Variants in COL5A2 observed in about 807,000 individuals in gnomAD.
The protein encoded by COL5A2 is collagen alpha-2(V) chain.
Under a neutral mutation model 208.2 loss-of-function variants are expected in COL5A2, and 23 were observed. The ratio of observed to expected loss-of-function variants is 0.11; its 90% CI spans 0.08 to 0.16. The LOEUF is 0.16. Among genes scored for constraint, COL5A2 ranks in the 10% least tolerant of loss-of-function variants. COL5A2 has a pLI of 1.00. For synonymous variants in COL5A2, 625 were observed against 628.5 expected (o/e 0.99, Z 0.08); for missense variants, 1,590 against 1,956.4 (o/e 0.81, Z 3.53).
intron 1 of COL5A2, among the ~76,000 whole-genome samples, chr2:189,143,698 A>C (rs983908181): frequency 2.2e-4 from 34 of 152,184 alleles, no homozygotes; most frequent in African/African-American, 8.0e-4. Flanking sequence ...AAACAAATAT[A>C]TACCTTGCTT....
chr2:189,172,548 G>C (rs1688591457), intron 1 of COL5A2, among the ~76,000 whole-genome samples: 2 of 152,112 alleles, frequency 1.3e-5, no homozygotes, highest in Admixed American at 6.5e-5. Flanking sequence ...CAATATTTCA[G>C]ATGAGGACAC....
chr2:189,065,238 A>G (rs1255689277), intron 23 of COL5A2, among the ~76,000 whole-genome samples, 181 bp from the exon 24 acceptor site: 1 of 152,252 alleles, frequency 6.6e-6, no homozygotes, highest in Non-Finnish European at 1.5e-5. Context: ...TGAAGAATAT[A>G]TAAGTACTGA....
At chr2:189,098,504 G>T (rs1686968514) in intron 5 of COL5A2, among the ~76,000 whole-genome samples, 1 of 152,170 alleles carries the variant, frequency 6.6e-6, no homozygotes, top group African/African-American at 2.4e-5. Flanking sequence ...CCAATAGCAA[G>T]ACTAACATAA....
chr2:189,218,473 A>C (rs1252482629), intron 1 of COL5A2, among the ~76,000 whole-genome samples: 1 of 152,194 alleles, frequency 6.6e-6, no homozygotes, highest in African/African-American at 2.4e-5. Flanking sequence ...ATTTTCCCCC[A>C]GAGCCTGCAG....
the COL5A2 span, among the ~76,000 whole-genome samples, chr2:189,403,992 A>T: frequency 1.3e-5 from 2 of 152,130 alleles, no homozygotes; most frequent in Admixed American, 6.5e-5. Flanking sequence ...CAGTCTCCCA[A>T]AGTGCTGGGA....
upstream of COL5A2, among the ~76,000 whole-genome samples, chr2:189,225,883 T>C (rs996095602): frequency 6.6e-6 from 1 of 152,154 alleles, no homozygotes; most frequent in Non-Finnish European, 1.5e-5. Context: ...ACAGAACCAA[T>C]ATGTGCTTTC....
intron 1 of COL5A2, among the ~76,000 whole-genome samples, chr2:189,203,922 G>A (rs1689110878): frequency 6.6e-6 from 1 of 151,526 alleles, no homozygotes; most frequent in Admixed American, 6.6e-5. Flanking sequence ...TTTTGAGACG[G>A]AGTCTCGCTC....
chr2:189,301,615 T>C, the COL5A2 span, among the ~76,000 whole-genome samples: 1 of 152,166 alleles, frequency 6.6e-6, no homozygotes, highest in African/African-American at 2.4e-5. Flanking sequence ...GGTAATAACA[T>C]GGTAAACAGC....
chr2:189,219,880 C>A (rs945670131), intron 1 of COL5A2, among the ~76,000 whole-genome samples: 3 of 152,010 alleles, frequency 2.0e-5, no homozygotes, highest in Non-Finnish European at 2.9e-5. Flanking sequence ...AGTGCCCCCC[C>A]CCCACTCTTA....
chr2:189,323,614 G>A, the COL5A2 span, among the ~76,000 whole-genome samples: 9 of 152,122 alleles, frequency 5.9e-5, no homozygotes, highest in Non-Finnish European at 1.2e-4. Context: ...CAACTTACTA[G>A]GGATGTGAAG....
At chr2:189,114,770 G>A (rs1013838873) in intron 1 of COL5A2, among the ~76,000 whole-genome samples, 1 of 151,888 alleles carries the variant, frequency 6.6e-6, no homozygotes, top group South Asian at 2.1e-4. Context: ...ATACCTAGGT[G>A]ATGGGCTGAT....
At chr2:189,435,426 A>G in the COL5A2 span, among the ~76,000 whole-genome samples, 1 of 152,204 alleles carries the variant, frequency 6.6e-6, no homozygotes, top group Middle Eastern at 3.2e-3. Flanking sequence ...CAATCTACCC[A>G]TCTGACAAAG....
chr2:189,143,108 C>T (rs1007479723), intron 1 of COL5A2, among the ~76,000 whole-genome samples: 5 of 152,090 alleles, frequency 3.3e-5, no homozygotes, highest in African/African-American at 4.8e-5. Flanking sequence ...GCCACCAAGC[C>T]GCCTTGACTT....
chr2:189,167,835 G>A (rs1181305039), intron 1 of COL5A2, among the ~76,000 whole-genome samples: 2 of 151,652 alleles, frequency 1.3e-5, no homozygotes, highest in African/African-American at 4.8e-5. Flanking sequence ...CACCTAGAAG[G>A]GCATAACACT....
At chr2:189,038,753 G>A (rs1348904882) in intron 51 of COL5A2, among the ~76,000 whole-genome samples, 3 of 151,990 alleles carry the variant, frequency 2.0e-5, no homozygotes, top group South Asian at 4.2e-4. Flanking sequence ...GCAGTGGCGC[G>A]ATCTCAACTC....
the COL5A2 span, among the ~76,000 whole-genome samples, chr2:189,242,923 A>T: frequency 6.6e-6 from 1 of 152,172 alleles, no homozygotes; most frequent in Admixed American, 6.5e-5. Flanking sequence ...CTGGTTACTC[A>T]TGGAGTCAGG....
the COL5A2 span, among the ~76,000 whole-genome samples, chr2:189,233,856 C>T: frequency 1.3e-5 from 2 of 151,612 alleles, no homozygotes; most frequent in Admixed American, 6.6e-5. Flanking sequence ...ATCAGGGCTA[C>T]AAAATGTCAA....
intron 1 of COL5A2, among the ~76,000 whole-genome samples, chr2:189,202,029 G>T (rs1689085977): frequency 2.0e-5 from 3 of 151,142 alleles, no homozygotes; most frequent in Admixed American, 2.0e-4. Context: ...TATATTCATA[G>T]AATTTGAGAA....
intron 46 of COL5A2, among the ~76,000 whole-genome samples, 179 bp downstream of exon 46, chr2:189,045,621 G>A (rs1374721764): frequency 6.6e-6 from 1 of 152,186 alleles, no homozygotes; most frequent in Non-Finnish European, 1.5e-5. Context: ...TCTTAGAAAT[G>A]AAATTTTGCC....
Sources: gnomAD v4.1 joint callset for allele counts (sites outside exome capture counted in the v4.1 genomes callset) on GRCh38, gnomAD v4.1.1 for gene constraint, MANE v1.5 for transcripts, NCBI Gene and HGNC (gene_info 2026-07-23, HGNC 2026-07-21) for gene names.